Variants in PPP1R3A observed in about 807,000 individuals in gnomAD.
The protein encoded by PPP1R3A is protein phosphatase 1 regulatory subunit 3A.
A neutral mutation model predicts 41.7 loss-of-function variants in PPP1R3A; 29 were observed. The observed-to-expected ratio is 0.70, with a 90% CI of 0.52 to 0.95. The LOEUF (loss-of-function observed/expected upper bound fraction) is 0.95, where lower values mean the gene tolerates loss of function less well. Ranked by LOEUF, PPP1R3A falls within the 40% of genes least tolerant of loss-of-function variation. The pLI, the probability that PPP1R3A is intolerant of heterozygous loss-of-function variation, is 0.00. For missense variants in PPP1R3A, 1,352 were observed against 1,292.4 expected (o/e 1.05, Z -0.71); for synonymous variants, 485 against 453.4 (o/e 1.07, Z -0.89).
intron 1 of PPP1R3A, among the ~76,000 whole-genome samples, chr7:113,907,083 A>G (rs905011621): frequency 1.3e-5 from 2 of 151,804 alleles, no homozygotes; most frequent in Non-Finnish European, 2.9e-5. Flanking sequence ...TGGAAGAGCT[A>G]GTGTCTGCAT....
intron 1 of PPP1R3A, among the ~76,000 whole-genome samples, chr7:113,884,151 T>A (rs1181967254): frequency 6.6e-6 from 1 of 152,002 alleles, no homozygotes; most frequent in Non-Finnish European, 1.5e-5. Context: ...CTAAAAAGGT[T>A]GATAAACATA....
intron 1 of PPP1R3A, among the ~76,000 whole-genome samples, chr7:113,893,818 CT>C (rs1232029891): frequency 9.2e-5 from 14 of 152,128 alleles, no homozygotes; most frequent in African/African-American, 2.9e-4. Context: ...CTTGATCTTA[CT>C]GAAAACAAGA....
chr7:113,886,943 T>C (rs1178568765), intron 1 of PPP1R3A, among the ~76,000 whole-genome samples: 1 of 151,990 alleles, frequency 6.6e-6, no homozygotes, highest in Non-Finnish European at 1.5e-5. Flanking sequence ...TAAAGGAGAG[T>C]TTCATATTTT....
intron 1 of PPP1R3A, among the ~76,000 whole-genome samples, chr7:113,902,713 T>C (rs892443833): frequency 3.3e-5 from 5 of 152,002 alleles, no homozygotes; most frequent in African/African-American, 1.2e-4. Flanking sequence ...TGCATTCTTT[T>C]GAGAAAGTGA....
chr7:113,879,212 C>A lies in PPP1R3A; in HGVS notation c.1880G>T (p.Arg627Met). 6.2e-7 allele frequency: 1 copy of A among 1,613,512 alleles called. No homozygotes were observed. The highest frequency in any genetic ancestry group is 1.1e-5 in the South Asian group (1 of 91,084). Residue 627 changes from arginine to methionine, a missense_variant, in exon 4 of 4, where the codon AGG (arginine) becomes ATG (methionine). Physicochemically the swap from Arg to Met is moderately conservative, Grantham distance 91. Coordinates refer to ENST00000284601, the MANE Select transcript of PPP1R3A (RefSeq NM_002711.4). The stretch of plus-strand genomic sequence containing the variant: ...TTCAACTTGGAAAAGATAATCATTC[C>A]TCAAAACATTTCCAGTTCTTGATGA... ...VCSSRTGNVL[R>M]NDYLFQVEEK...
At chr7:113,912,101 C>G (rs920605781) in intron 1 of PPP1R3A, among the ~76,000 whole-genome samples, 2 of 152,092 alleles carry the variant, frequency 1.3e-5, no homozygotes, top group African/African-American at 4.8e-5. Flanking sequence ...CTTTAAAGCC[C>G]TTGCTGTTTC....
At position 113,879,092 on chromosome 7, in the gene PPP1R3A, T is replaced by C. The variant is rs754188783; in HGVS notation, c.2000A>G (p.Glu667Gly). ...NVLESQGKSR[E>G]NKTNITEHIK... ...ATGCTCTGTTATGTTTGTCTTATTC[T>C]CTCTTGATTTTCCCTGACTTTCCAG... The change falls in exon 4 of 4, where the codon GAG becomes GGG. Residue 667 changes from glutamate (E) to glycine (G), a missense_variant. By Grantham distance (98) the Glu-to-Gly change is moderately conservative. Transcript: ENST00000284601. 1.2e-6 allele frequency: 2 copies of C among 1,613,714 alleles called. No homozygotes were observed. Among genetic ancestry groups the C allele is most frequent in the Admixed American group, 3.3e-5 (2 of 59,940 alleles).
In PPP1R3A at chr7:113,905,683, G is replaced by T. The variant is rs139930870; in HGVS notation, c.782+12532C>A. ...CTCACTGGTTCTAGGTTTTTGTTTTGCTCTTTGTTTCATTTAGGGAAGGAC... is the reference window on the plus strand; with the variant it reads ...CTCACTGGTTCTAGGTTTTTGTTTTTCTCTTTGTTTCATTTAGGGAAGGAC... On this transcript the variant is annotated intron_variant, in intron 1 of 3. Transcript: ENST00000284601. 5.1e-3 allele frequency among the ~76,000 whole-genome samples: 769 copies of T among 151,784 alleles called. 6 individuals carry two copies. The highest frequency in any genetic ancestry group is 0.017 in the African/African-American group (720 of 41,474).
chr7:113,914,268 C>T (rs1308462878), intron 1 of PPP1R3A, among the ~76,000 whole-genome samples: 1 of 152,100 alleles, frequency 6.6e-6, no homozygotes, highest in Non-Finnish European at 1.5e-5. Context: ...TAAACTGAGG[C>T]TTTGAGCTCT....
intron 1 of PPP1R3A, among the ~76,000 whole-genome samples, chr7:113,887,280 G>A (rs1463559270): frequency 3.3e-5 from 5 of 151,916 alleles, no homozygotes; most frequent in African/African-American, 7.2e-5. Flanking sequence ...AAGTAAAAAA[G>A]AAATTAATTA....
At chr7:113,890,154 C>A (rs1796854994) in intron 1 of PPP1R3A, among the ~76,000 whole-genome samples, 2 of 152,052 alleles carry the variant, frequency 1.3e-5, no homozygotes, top group African/African-American at 4.8e-5. Context: ...AGACTAAAAG[C>A]CCAGGGCACC....
At chr7:113,917,701 A>G (rs1454833290) in intron 1 of PPP1R3A, among the ~76,000 whole-genome samples, 1 of 152,092 alleles carries the variant, frequency 6.6e-6, no homozygotes, top group African/African-American at 2.4e-5. Context: ...TTAAATTAAC[A>G]TGTATCACTT....
intron 1 of PPP1R3A, among the ~76,000 whole-genome samples, chr7:113,893,072 A>G (rs1013847156): frequency 2.0e-5 from 3 of 151,948 alleles, no homozygotes; most frequent in African/African-American, 7.2e-5. Context: ...TGCTGCGGTC[A>G]TATTGAGCCC....
At position 113,878,497 on chromosome 7, in the gene PPP1R3A, C is replaced by T; in HGVS notation, c.2595G>A (p.Gln865=). Residue 865 remains glutamine, a synonymous_variant, in exon 4 of 4, where the codon CAG becomes CAA. Transcript: ENST00000284601. Reference sequence around the variant, plus strand: ...TTTTGTCTGTTGGTAACATTCCCAACTGTAAATCCAGTTTTGAAGTTGCTT... The same window carrying T: ...TTTTGTCTGTTGGTAACATTCCCAATTGTAAATCCAGTTTTGAAGTTGCTT... ...YQKATSKLDL[Q]LGMLPTDKTV... is the part of the protein sequence containing the mutation. The T allele has an allele frequency of 1.2e-6, 2 of 1,613,390 alleles. No homozygotes were observed. Among genetic ancestry groups the T allele is most frequent in the Non-Finnish European group, 8.5e-7 (1 of 1,179,690 alleles).
At chr7:113,893,931 TTTC>T (rs1184216938) in intron 1 of PPP1R3A, among the ~76,000 whole-genome samples, 1 of 151,882 alleles carries the variant, frequency 6.6e-6, no homozygotes, top group East Asian at 1.9e-4. Context: ...TCTTCAAAAG[TTTC>T]TTCATTTTTT....
chr7:113,896,421 C>T (rs1314185622), intron 1 of PPP1R3A, among the ~76,000 whole-genome samples: 1 of 151,776 alleles, frequency 6.6e-6, no homozygotes, highest in Non-Finnish European at 1.5e-5. Flanking sequence ...CTAGTTTATA[C>T]ATACAAACCA....
rs747107675 is a variant in PPP1R3A at position 113,879,391 on chromosome 7, G to A, written c.1701C>T (p.Ser567=). ...ASNRDLATLL[S]EHTAIPTRAI... is the part of the protein sequence containing the mutation. ...CCCGGGTGGGGATTGCGGTATGTTC[G>A]CTCAGCAGAGTAGCCAGGTCTCTGT... The change falls in exon 4 of 4, where the codon AGC becomes AGT. Residue 567 remains serine, a synonymous_variant. Transcript: ENST00000284601. 4.3e-6 allele frequency: 7 copies of A among 1,613,340 alleles called. No homozygotes were observed. The highest frequency in any genetic ancestry group is 1.7e-5 in the Admixed American group (1 of 59,834).
rs768515193 is a variant in PPP1R3A, at chr7:113,879,409, G to T, written c.1683C>A (p.Asp561Glu). 689 of 1,613,384 alleles carry T rather than the reference G, an allele frequency of 4.3e-4. 1 individual carries two copies. Among genetic ancestry groups the T allele is most frequent in the Non-Finnish European group, 5.7e-4 (675 of 1,179,748 alleles). Residue 561 changes from aspartate to glutamate, a missense_variant, in exon 4 of 4, where the codon GAC (aspartate) becomes GAA (glutamate). Transcript: ENST00000284601. ...TATGTTCGCTCAGCAGAGTAGCCAG[G>T]TCTCTGTTACTAGCTCCAATCCCTG... is the stretch of plus-strand genomic sequence containing the variant. ...SVAGIGASNR[D>E]LATLLSEHTA...
intron 1 of PPP1R3A, among the ~76,000 whole-genome samples, chr7:113,884,594 T>A (rs2129114855): frequency 6.6e-6 from 1 of 152,096 alleles, no homozygotes; most frequent in Admixed American, 6.6e-5. Context: ...TCAAAAACCT[T>A]GAAATTCTTA....
Sources: allele counts gnomAD v4.1 joint callset (sites outside exome capture counted in the v4.1 genomes callset), GRCh38; gene constraint gnomAD v4.1.1; transcripts MANE v1.5; gene names NCBI Gene and HGNC (gene_info 2026-07-23, HGNC 2026-07-21).